The following INF2 variants were observed in gnomAD, a reference collection of about 807,000 sequenced individuals.
INF2 encodes inverted formin-2.
In INF2, 43 loss-of-function variants were observed where a neutral mutation model predicts 123.5. The observed-to-expected ratio is 0.35, with a 90% CI of 0.27 to 0.45. The LOEUF (loss-of-function observed/expected upper bound fraction) is 0.45, where lower values mean the gene tolerates loss of function less well. Among genes scored for constraint, INF2 ranks in the 20% least tolerant of loss-of-function variants. The probability of loss-of-function intolerance (pLI) is 1.00; values close to 1 mark genes in which losing one functional copy is unlikely to be tolerated. For synonymous variants in INF2, 851 were observed against 745.0 expected, an observed-to-expected ratio of 1.14 and a Z score of -2.32; for missense variants, 1,453 against 1,682.7, an observed-to-expected ratio of 0.86 and a Z score of 2.39.
Position 104,712,967 on chromosome 14 carries a change from G to A in INF2, c.2750G>A (p.Arg917Gln), listed in dbSNP as rs746624312. The change falls in exon 18 of 23, where the codon CGG becomes CAG. Residue 917 changes from arginine (R) to glutamine (Q), a missense_variant. Around this residue, in one of 8 missense-constraint regions of INF2, gnomAD observed 212 missense variants for 266.2 expected, o/e 0.80. Coordinates refer to ENST00000392634, the MANE Select transcript of INF2 (RefSeq NM_022489.4). The stretch of plus-strand genomic sequence containing the variant: ...ACGTTCAGCACCATGAAGGCTTTCC[G>A]GGACCTTTTCCTCCGCGCCCTGAAG... ...EDTFSTMKAF[R>Q]DLFLRALKEN... 2.2e-5 allele frequency: 36 copies of A among 1,612,598 alleles called. 1 individual carries two copies. Among genetic ancestry groups the A allele is most frequent in the Middle Eastern group, 1.7e-4 (1 of 6,036 alleles).
chr14:104,693,090 G>A (rs769234297), intron 1 of INF2, among the ~76,000 whole-genome samples: 7 of 152,226 alleles, frequency 4.6e-5, no homozygotes, highest in East Asian at 1.9e-4. Flanking sequence ...GCTCCTGGCC[G>A]CCGATCAAGG....
Position 104,689,697 on chromosome 14 carries a change from G to C in INF2, c.-52G>C. ...GCAGCCCCTGACCCGGCCCCGGACG[G>C]AGCGCCGGCCGCACCACCGCCCTCT... On this transcript the variant is annotated 5_prime_UTR_variant, in exon 1 of 23. Coordinates refer to ENST00000392634, the MANE Select transcript of INF2 (RefSeq NM_022489.4). 1.0e-6 allele frequency: 1 copy of C among 984,936 alleles called. No homozygotes were observed. The highest frequency in any genetic ancestry group is 1.2e-6 in the Non-Finnish European group (1 of 829,780). The allele number at this position is 984,936 out of a possible 1,614,324, so 61.0% of individuals were successfully genotyped here.
chr14:104,701,299 G>A, intron 1 of INF2, 58 bp from the exon 2 acceptor site: 1 of 1,521,688 alleles, frequency 6.6e-7, no homozygotes, highest in South Asian at 1.2e-5. Flanking sequence ...TGCGCTGGTG[G>A]CCAGGAGGAC....
chr14:104,715,000 G>A (rs1890228275), intron 21 of INF2, 144 bp downstream of exon 21: 1 of 918,676 alleles, frequency 1.1e-6, no homozygotes, highest in Non-Finnish European at 1.6e-6. Context: ...GGAGGCGGCA[G>A]TGCGTCCACC....
intron 1 of INF2, among the ~76,000 whole-genome samples, chr14:104,698,613 T>C (rs1595159530): frequency 6.6e-6 from 1 of 152,202 alleles, no homozygotes; most frequent in Non-Finnish European, 1.5e-5. Flanking sequence ...TCCCAGCCAT[T>C]TGGGGCCAGT....
In INF2 at chr14:104,711,622, A is replaced by AT; in HGVS notation, c.2419-5dup. The AT allele has an allele frequency of 6.2e-7, 1 of 1,612,412 alleles. No individual in the cohort carries two copies. The highest frequency in any genetic ancestry group is 2.2e-5 in the East Asian group (1 of 44,872). ...CAGTGGATCTCACTGGACGTGTCCC[A>AT]TTGCAGGAAGCGGAAAAGAGCCACC... On this transcript the variant is annotated splice_region_variant and splice_polypyrimidine_tract_variant and intron_variant, in intron 15 of 22. Transcript: ENST00000392634.
At chr14:104,686,535 T>C (rs1479791823), upstream of INF2, among the ~76,000 whole-genome samples, 3 of 151,986 alleles carry the variant, frequency 2.0e-5, no homozygotes, top group East Asian at 5.8e-4. Flanking sequence ...GTGGGCAAGG[T>C]GGGTGGACAT....
In INF2 at chr14:104,712,457, A is replaced by G. The variant is rs1209745886; in HGVS notation, c.2514A>G (p.Ser838=). Residue 838 remains serine (S), a synonymous_variant, in exon 17 of 23, where the codon TCA becomes TCG. Transcript: ENST00000392634. ...AAGINLEIIR[S]EASSNLKKLL... is the part of the protein sequence containing the mutation. ...GGATCAACCTGGAGATCATCCGCTC[A>G]GAGGCCAGCTCCAACCTGAAGAAGC... The G allele has an allele frequency of 2.5e-6, 4 of 1,612,630 alleles. No individual in the cohort carries two copies. Among genetic ancestry groups the G allele is most frequent in the Non-Finnish European group, 3.4e-6 (4 of 1,179,808 alleles).
At chr14:104,691,180 GAC>G (rs981822492) in intron 1 of INF2, 3 of 152,270 alleles carry the variant, frequency 2.0e-5, no homozygotes, top group Non-Finnish European at 4.4e-5. Context: ...TCAAGCGAAT[GAC>G]ACACACCGCA....
chr14:104,710,450 C>T (rs569436425), intron 13 of INF2, among the ~76,000 whole-genome samples: 9 of 148,520 alleles, frequency 6.1e-5, no homozygotes, highest in African/African-American at 1.9e-4. Flanking sequence ...CTCCGGCACG[C>T]GCACACACAA....
chr14:104,714,204 G>T lies in INF2; in HGVS notation c.3042G>T (p.Val1014=). ...TCACTGGTGTGTCCCTCCATCCAGT[G>T]GCCACCAGTAACCCTGCAGGAGATC... is the stretch of plus-strand genomic sequence containing the variant. ...SMDPPRATEP[V]ATSNPAGDPV... The change falls in exon 21 of 23, where the codon GTG becomes GTT. Residue 1014 remains valine (V), a splice_region_variant and synonymous_variant. Transcript: ENST00000392634. 6.6e-7 allele frequency: 1 copy of T among 1,520,414 alleles called. No individual in the cohort carries two copies. Among genetic ancestry groups the T allele is most frequent in the Non-Finnish European group, 8.8e-7 (1 of 1,135,080 alleles). 94.2% of individuals were successfully genotyped at this position (1,520,414 alleles called of 1,614,324 possible). A position where few individuals can be genotyped will look rare whatever the true frequency, so the allele number is the denominator to read the frequency against.
chr14:104,683,183 TGG>T (rs1220115939), intron 1 of INF2, among the ~76,000 whole-genome samples: 1 of 12,672 alleles, frequency 7.9e-5, no homozygotes, highest in African/African-American at 3.0e-4. Flanking sequence ...GTGGCTGCAA[TGG>T]GGGAGGGGAG....
chr14:104,715,452 C>A, intron 22 of INF2, 112 bp downstream of exon 22: 7 of 1,014,294 alleles, frequency 6.9e-6, no homozygotes, highest in Non-Finnish European at 1.1e-5. Context: ...CTCCAGCCCG[C>A]GTGGTGCGTC....
At chr14:104,686,697 G>A (rs1888673142), upstream of INF2, among the ~76,000 whole-genome samples, 1 of 152,208 alleles carries the variant, frequency 6.6e-6, no homozygotes, top group Admixed American at 6.5e-5. Context: ...ATGAACCCAT[G>A]GCCAGGCTGC....
chr14:104,683,642 A>G (rs1888587802), intron 1 of INF2, among the ~76,000 whole-genome samples: 1 of 132,452 alleles, frequency 7.5e-6, no homozygotes. Context: ...ACACACACAC[A>G]CACAAATTAC....
rs752505753 is a variant in INF2, at chr14:104,699,250, G to A, written c.-9-2107G>A. 1.3e-5 allele frequency: 4 copies of A among 302,808 alleles called. No individual in the cohort carries two copies. Among genetic ancestry groups the A allele is most frequent in the Non-Finnish European group, 1.9e-5 (4 of 205,632 alleles). The allele number at this position is 302,808 out of a possible 1,614,324, so 18.8% of individuals were successfully genotyped here. A position where few individuals can be genotyped will look rare whatever the true frequency, so the allele number is the denominator to read the frequency against. The stretch of plus-strand genomic sequence containing the variant: ...CTCTGGATGCCAGGGGCCGGGCCTG[G>A]GAGAGTTCATAACTCCGTCCACTCA... On this transcript the variant is annotated intron_variant, in intron 1 of 22. Coordinates refer to ENST00000392634, the MANE Select transcript of INF2 (RefSeq NM_022489.4). The surrounding 1 kb of genome is among the most constrained non-coding windows in gnomAD (Gnocchi z 4.7).
chr14:104,706,262 C>A, intron 6 of INF2, 86 bp downstream of exon 6: 3 of 1,391,346 alleles, frequency 2.2e-6, no homozygotes, highest in Non-Finnish European at 2.9e-6. Context: ...GAACGGTCCT[C>A]CCTGCCCTGG....
chr14:104,701,090 C>A (rs531440697), intron 1 of INF2, among the ~76,000 whole-genome samples: 88 of 152,286 alleles, frequency 5.8e-4, no homozygotes, highest in Non-Finnish European at 1.1e-3. Context: ...CTCCTCCCCT[C>A]CCAGCCCTGA....
chr14:104,702,376 G>A (rs574598163), intron 2 of INF2, among the ~76,000 whole-genome samples: 3 of 151,098 alleles, frequency 2.0e-5, no homozygotes, highest in Non-Finnish European at 4.4e-5. Flanking sequence ...GTCCTGCGCC[G>A]CTAAGCCTTT....
Sources: gnomAD v4.1 joint callset for allele counts (sites outside exome capture counted in the v4.1 genomes callset) on GRCh38, gnomAD v4.1.1 for gene constraint, gnomAD v4.1.1 regional missense constraint, Gnocchi (gnomAD v3.1) non-coding constraint, MANE v1.5 for transcripts, NCBI Gene and HGNC (gene_info 2026-07-23, HGNC 2026-07-21) for gene names.